The following PAPSS1 variants were observed in gnomAD, a reference collection of about 807,000 sequenced individuals.
The protein encoded by PAPSS1 is 3'-phosphoadenosine 5'-phosphosulfate synthase 1, also known as bifunctional 3'-phosphoadenosine 5'-phosphosulfate synthase 1.
Under a neutral mutation model 72.0 loss-of-function variants are expected in PAPSS1, and 50 were observed. The ratio of observed to expected loss-of-function variants is 0.69; its 90% CI spans 0.55 to 0.88. The LOEUF (loss-of-function observed/expected upper bound fraction) is 0.88. Ranked by LOEUF, PAPSS1 falls within the 40% of genes least tolerant of loss-of-function variation. The pLI, the probability that PAPSS1 is intolerant of heterozygous loss-of-function variation, is 0.00. For synonymous variants in PAPSS1, 261 were observed against 263.6 expected (o/e 0.99, Z 0.09); for missense variants, 657 against 782.2 (o/e 0.84, Z 1.91).
intron 4 of PAPSS1, among the ~76,000 whole-genome samples, chr4:107,686,366 T>A (rs1405509051): frequency 6.6e-6 from 1 of 152,234 alleles, no homozygotes; most frequent in African/African-American, 2.4e-5. Flanking sequence ...TTACTTATAA[T>A]ACCTAGTACA....
intron 2 of PAPSS1, among the ~76,000 whole-genome samples, chr4:107,697,969 A>T (rs1411694738): frequency 6.6e-6 from 1 of 152,200 alleles, no homozygotes; most frequent in African/African-American, 2.4e-5. Flanking sequence ...GCAGAAGCCA[A>T]GGGGGAAACA....
At chr4:107,672,201 G>A (rs1322824386) in intron 5 of PAPSS1, among the ~76,000 whole-genome samples, 1 of 152,174 alleles carries the variant, frequency 6.6e-6, no homozygotes, top group Non-Finnish European at 1.5e-5. Context: ...TCTCACTGGG[G>A]AGTGTCAGAA....
chr4:107,629,125 A>G lies in PAPSS1; in HGVS notation c.1736+2506T>C, dbSNP rs1357769788. On this transcript the variant is annotated intron_variant, in intron 11 of 11. Coordinates refer to ENST00000265174, the MANE Select transcript of PAPSS1 (RefSeq NM_005443.5). ...GAACAGGATCTAGTTTGAGGCACTAAGAAGGGTAAGACATCAGTTTGAAAA... is the reference window on the plus strand; with the variant it reads ...GAACAGGATCTAGTTTGAGGCACTAGGAAGGGTAAGACATCAGTTTGAAAA... Among the ~76,000 whole-genome samples the G allele has an allele frequency of 3.9e-4, 59 of 152,338 alleles. 1 individual carries two copies. Among genetic ancestry groups the G allele is most frequent in the Non-Finnish European group, 4.4e-5 (3 of 68,034 alleles).
chr4:107,634,248 T>C (rs1327669593), intron 10 of PAPSS1, among the ~76,000 whole-genome samples: 1 of 152,138 alleles, frequency 6.6e-6, no homozygotes, highest in Non-Finnish European at 1.5e-5. Context: ...ACTCCCGTGC[T>C]GAAATGACCC....
intron 11 of PAPSS1, among the ~76,000 whole-genome samples, chr4:107,621,534 C>T (rs533959784): frequency 6.6e-6 from 1 of 150,496 alleles, no homozygotes; most frequent in Non-Finnish European, 1.5e-5. Context: ...CCTTATTCAC[C>T]CAAGAATGCA....
At chr4:107,636,772 G>A (rs1726397242) in intron 10 of PAPSS1, among the ~76,000 whole-genome samples, 1 of 152,086 alleles carries the variant, frequency 6.6e-6, no homozygotes, top group Non-Finnish European at 1.5e-5. Flanking sequence ...ATTAGACAGG[G>A]TTTCAGAATT....
chr4:107,685,332 T>C (rs1722752347), intron 4 of PAPSS1, among the ~76,000 whole-genome samples: 1 of 152,148 alleles, frequency 6.6e-6, no homozygotes, highest in African/African-American at 2.4e-5. Flanking sequence ...TGCTCACAAG[T>C]AGCCTACTCC....
chr4:107,623,742 T>G (rs1378159337), intron 11 of PAPSS1, among the ~76,000 whole-genome samples: 1 of 152,182 alleles, frequency 6.6e-6, no homozygotes, highest in African/African-American at 2.4e-5. Flanking sequence ...TCTATCCCCA[T>G]CTACACTATG....
chr4:107,720,073 C>T (rs1392082764), intron 1 of PAPSS1, 47 bp downstream of exon 1: 2 of 1,589,342 alleles, frequency 1.3e-6, no homozygotes, highest in Non-Finnish European at 1.7e-6. Flanking sequence ...CGAGCTGCTC[C>T]CACAGCCCCT....
At chr4:107,677,998 G>T (rs532145899) in intron 5 of PAPSS1, among the ~76,000 whole-genome samples, 2 of 152,094 alleles carry the variant, frequency 1.3e-5, no homozygotes, top group African/African-American at 4.8e-5. Context: ...AGAACACATG[G>T]ACACAGGAAG....
At chr4:107,671,229 G>A (rs2110329761) in intron 5 of PAPSS1, among the ~76,000 whole-genome samples, 1 of 151,048 alleles carries the variant, frequency 6.6e-6, no homozygotes, top group African/African-American at 2.4e-5. Flanking sequence ...GAAAAAATAA[G>A]TGAAGAGCTG....
At chr4:107,666,769 A>G (rs1175671920) in intron 5 of PAPSS1, among the ~76,000 whole-genome samples, 6 of 152,110 alleles carry the variant, frequency 3.9e-5, no homozygotes, top group Non-Finnish European at 8.8e-5. Flanking sequence ...ACTTACCACT[A>G]TTTTTCCATG....
intron 2 of PAPSS1, among the ~76,000 whole-genome samples, chr4:107,698,065 G>A (rs1723114986): frequency 6.6e-6 from 1 of 152,182 alleles, no homozygotes; most frequent in South Asian, 2.1e-4. Context: ...AACTGTGGGA[G>A]AATAAATTTC....
chr4:107,653,664 A>C, intron 8 of PAPSS1, 38 bp from the exon 9 acceptor site: 1 of 1,584,014 alleles, frequency 6.3e-7, no homozygotes, highest in East Asian at 2.2e-5. Context: ...GGAAACCGAG[A>C]TCAAAATAAG....
chr4:107,653,384 A>G, intron 9 of PAPSS1, 107 bp downstream of exon 9: 1 of 928,082 alleles, frequency 1.1e-6, no homozygotes, highest in Non-Finnish European at 1.6e-6. Context: ...TTCCACTGCT[A>G]TATTTACCTG....
chr4:107,635,689 AAAAT>A (rs913989560), intron 10 of PAPSS1, among the ~76,000 whole-genome samples: 19 of 152,282 alleles, frequency 1.2e-4, no homozygotes, highest in South Asian at 6.2e-4. Flanking sequence ...AACCACTTAA[AAAAT>A]AAATAAATAA....
intron 11 of PAPSS1, among the ~76,000 whole-genome samples, chr4:107,626,961 C>A (rs1578382822): frequency 6.6e-6 from 1 of 152,256 alleles, no homozygotes; most frequent in East Asian, 1.9e-4. Context: ...GCCACTCATG[C>A]AACTAATATA....
intron 9 of PAPSS1, among the ~76,000 whole-genome samples, chr4:107,651,501 G>T (rs979156449): frequency 6.6e-6 from 1 of 152,156 alleles, no homozygotes; most frequent in Non-Finnish European, 1.5e-5. Context: ...AGGTTTAATT[G>T]ACTCACAGTT....
intron 2 of PAPSS1, chr4:107,694,336 A>G (rs1418773516): frequency 2.8e-5 from 7 of 248,576 alleles, no homozygotes; most frequent in Non-Finnish European, 4.7e-5. Context: ...TACATTCATT[A>G]TGCAAAGCAA....
Sources: allele counts gnomAD v4.1 joint callset (sites outside exome capture counted in the v4.1 genomes callset), GRCh38; gene constraint gnomAD v4.1.1; transcripts MANE v1.5; gene names NCBI Gene and HGNC (gene_info 2026-07-23, HGNC 2026-07-21).